The following GPSM1 variants were observed in gnomAD, a reference collection of about 807,000 sequenced individuals.
GPSM1 encodes the protein G protein-signaling modulator 1.
A neutral mutation model predicts 70.5 loss-of-function variants in GPSM1; 48 were observed. That is an observed-to-expected ratio of 0.68 (90% CI 0.54 to 0.87). The LOEUF is 0.87. Among genes scored for constraint, GPSM1 ranks in the 40% least tolerant of loss-of-function variants. The pLI is 0.00. For synonymous variants in GPSM1, 416 were observed against 430.1 expected, an observed-to-expected ratio of 0.97 and a Z score of 0.41; for missense variants, 981 against 972.6, an observed-to-expected ratio of 1.01 and a Z score of -0.11.
Position 136,343,375 on chromosome 9 carries a change from G to A in GPSM1, c.1207+2382G>A, listed in dbSNP as rs548649740. ...AGCCGGCCCTGAGCCCTGCAGGACC[G>A]CCCCCTGCCCTTGGCCTGTCCCCGA... is the stretch of plus-strand genomic sequence containing the variant. On this transcript the variant is annotated intron_variant, in intron 9 of 13. Transcript: ENST00000440944. The surrounding 1 kb of genome is among the most constrained non-coding windows in gnomAD (Gnocchi z 6.0). 5.3e-5 allele frequency among the ~76,000 whole-genome samples: 8 copies of A among 152,278 alleles called. No individual in the cohort carries two copies. In the East Asian group the frequency reaches 1.5e-3, roughly 29 times the overall value.
rs1554770150 is a variant in GPSM1 at position 136,340,970 on chromosome 9, A to G, written c.1184A>G (p.Asp395Gly). Residue 395 changes from aspartate to glycine, a missense_variant, in exon 9 of 14, where the codon GAC becomes GGC. Asp to Gly is a moderately conservative substitution (Grantham distance 94). Coordinates refer to ENST00000440944, the MANE Select transcript of GPSM1 (RefSeq NM_001145638.3). The surrounding 1 kb of genome is among the most constrained non-coding windows in gnomAD (Gnocchi z 7.3). The part of the protein sequence containing the change: ...LTSPAASEKP[D>G]LAGYEAQGAR... ...AGCCCGGCAGCCTCAGAGAAGCCTGACCTGGCCGGCTATGAGGCCCAGGGT... is the reference window on the plus strand; with the variant it reads ...AGCCCGGCAGCCTCAGAGAAGCCTGGCCTGGCCGGCTATGAGGCCCAGGGT... 6.4e-7 allele frequency: 1 copy of G among 1,563,846 alleles called. No individual in the cohort carries two copies. The highest frequency in any genetic ancestry group is 1.9e-5 in the Admixed American group (1 of 52,940).
intron 1 of GPSM1, among the ~76,000 whole-genome samples, chr9:136,333,099 G>A (rs1212257090): frequency 6.6e-6 from 1 of 152,232 alleles, no homozygotes; most frequent in Non-Finnish European, 1.5e-5. Context: ...CCTGCAAGCA[G>A]CCGAGGCTGA....
chr9:136,331,775 G>A (rs1014407789), intron 1 of GPSM1, among the ~76,000 whole-genome samples: 14 of 152,006 alleles, frequency 9.2e-5, no homozygotes, highest in South Asian at 2.1e-4. Context: ...TCCCCGCCCC[G>A]CTGCTGACGA....
Position 136,355,741 on chromosome 9 carries a change from AC to A in GPSM1, c.1509del (p.Lys504SerfsTer39). 6.2e-7 allele frequency: 1 copy of A among 1,612,342 alleles called. No homozygotes were observed. Among genetic ancestry groups the A allele is most frequent in the Non-Finnish European group, 8.5e-7 (1 of 1,179,540 alleles). On this transcript the variant is annotated frameshift_variant, in exon 12 of 14. Transcript: ENST00000440944. LOFTEE classifies it high-confidence loss of function. ...CGAGGAGTGCTTCTTTGACCTGTTG[AC>A]CAAGTTCCAGAGCAGCCGCATGGAC... ...SDEECFFDLLTKFQSSRMDDQ... is the reference protein window; with the variant it reads ...SDEECFFDLLXKFQSSRMDDQ...
intron 1 of GPSM1, chr9:136,332,151 C>A: frequency 2.5e-6 from 1 of 399,326 alleles, no homozygotes; most frequent in Middle Eastern, 6.3e-4. Flanking sequence ...GCAGAAGATG[C>A]GAAACCTGCA....
At chr9:136,339,965 G>A (rs1464106414) in intron 8 of GPSM1, 150 bp downstream of exon 8, 2 of 620,716 alleles carry the variant, frequency 3.2e-6, no homozygotes, top group East Asian at 5.5e-5. Context: ...CCGAGGCCTG[G>A]TGATGACATG....
intron 5 of GPSM1, 68 bp from the exon 6 acceptor site, chr9:136,337,778 C>T (rs1245972980): frequency 2.6e-5 from 33 of 1,266,342 alleles, no homozygotes; most frequent in East Asian, 2.4e-4. Context: ...AGGGAGGCAG[C>T]CCCTGTCCGC....
Position 136,338,704 on chromosome 9 carries a change from C to A in GPSM1, c.968C>A (p.Ala323Asp). ...CACCTGCTCATTGCCCAGGAGCTGG[C>A]CGACAGGTGCGTGGGCGCGGACGCG... ...LRHLLIAQEL[A>D]DRVGEGRACW... The change falls in exon 7 of 14, where the codon GCC (alanine) becomes GAC (aspartate). Residue 323 changes from alanine (A) to aspartate (D), a missense_variant. Ala to Asp is a moderately radical substitution (Grantham distance 126). Transcript: ENST00000440944. The A allele has an allele frequency of 6.4e-7, 1 of 1,554,338 alleles. No individual in the cohort carries two copies. The highest frequency in any genetic ancestry group is 8.7e-7 in the Non-Finnish European group (1 of 1,151,064).
In GPSM1 at chr9:136,341,110, A is replaced by G; in HGVS notation, c.1207+117A>G. The G allele has an allele frequency of 6.5e-7, 1 of 1,550,008 alleles. No individual in the cohort carries two copies. Among genetic ancestry groups the G allele is most frequent in the South Asian group, 1.2e-5 (1 of 84,050 alleles). ...TGGCGGAGGTGGCAGCCGCCAGAAAATGGCGCCTACAAGCCAGTTCTTCTT... is the reference window on the plus strand; with the variant it reads ...TGGCGGAGGTGGCAGCCGCCAGAAAGTGGCGCCTACAAGCCAGTTCTTCTT... On this transcript the variant is annotated intron_variant, in intron 9 of 13. Coordinates refer to ENST00000440944, the MANE Select transcript of GPSM1 (RefSeq NM_001145638.3). The surrounding 1 kb of genome is among the most constrained non-coding windows in gnomAD (Gnocchi z 6.7).
At chr9:136,338,403 C>G in intron 6 of GPSM1, 152 bp from the exon 7 acceptor site, 1 of 737,816 alleles carries the variant, frequency 1.4e-6, no homozygotes, top group Non-Finnish European at 2.2e-6. Context: ...CGCTCTGTGG[C>G]CATGTGAGGG....
chr9:136,334,061 C>T (rs1832165548), intron 1 of GPSM1, among the ~76,000 whole-genome samples: 3 of 152,088 alleles, frequency 2.0e-5, no homozygotes, highest in Non-Finnish European at 4.4e-5. Context: ...AGGAGGATGG[C>T]TAGGGTGCCT....
rs757251027 is a variant in GPSM1 at position 136,346,569 on chromosome 9, C to T, written c.1208-2128C>T. ...CATTCACTAGGTGGCAGCAGGACCC[C>T]CTTCCCAGTTGGGGGTGGAGGCTTG... On this transcript the variant is annotated intron_variant, in intron 9 of 13. Coordinates refer to ENST00000440944, the MANE Select transcript of GPSM1 (RefSeq NM_001145638.3). Among the ~76,000 whole-genome samples the T allele has an allele frequency of 2.6e-5, 4 of 152,206 alleles. 1 individual carries two copies. The highest frequency in any genetic ancestry group is 9.6e-5 in the African/African-American group (4 of 41,456).
chr9:136,335,848 C>G (rs960397205), intron 2 of GPSM1, 118 bp from the exon 3 acceptor site: 13 of 1,052,992 alleles, frequency 1.2e-5, no homozygotes, highest in Non-Finnish European at 1.8e-5. Context: ...TTGCAGGCTC[C>G]TGTCCACTCC....
At chr9:136,335,748 C>T (rs1832217025) in intron 2 of GPSM1, among the ~76,000 whole-genome samples, 2 of 152,188 alleles carry the variant, frequency 1.3e-5, no homozygotes, top group African/African-American at 4.8e-5. Context: ...GCCTGTGCCC[C>T]AGACACAGCC....
intron 11 of GPSM1, among the ~76,000 whole-genome samples, chr9:136,354,079 C>T (rs1554772567): frequency 3.3e-5 from 5 of 152,172 alleles, no homozygotes; most frequent in African/African-American, 1.2e-4. Context: ...AGAACTCTCC[C>T]TCCTCAGGTC....
At chr9:136,331,291 C>G (rs28687632) in intron 1 of GPSM1, among the ~76,000 whole-genome samples, 9,061 of 152,088 alleles carry the variant, frequency 0.06, 427 homozygotes, top group African/African-American at 0.11. Flanking sequence ...GCCCTGTTCG[C>G]ACCTTGGCCA....
At chr9:136,351,437 C>T (rs558220116) in intron 11 of GPSM1, among the ~76,000 whole-genome samples, 3 of 152,308 alleles carry the variant, frequency 2.0e-5, no homozygotes, top group East Asian at 3.9e-4. Context: ...CCACAGCTGG[C>T]TCTGCCCATC....
chr9:136,348,368 G>A (rs1405384844), intron 9 of GPSM1, among the ~76,000 whole-genome samples: 1 of 152,212 alleles, frequency 6.6e-6, no homozygotes, highest in African/African-American at 2.4e-5. Flanking sequence ...CCAGGCAGAG[G>A]GAACAGCAGG....
At chr9:136,336,485 C>T (rs570291174) in intron 3 of GPSM1, among the ~76,000 whole-genome samples, 6 of 152,318 alleles carry the variant, frequency 3.9e-5, no homozygotes, top group Admixed American at 2.6e-4. Flanking sequence ...AGAGTGGCTC[C>T]GTCTCCGCTT....
Sources: gnomAD v4.1 joint callset for allele counts (sites outside exome capture counted in the v4.1 genomes callset) on GRCh38, gnomAD v4.1.1 for gene constraint, Gnocchi (gnomAD v3.1) non-coding constraint, MANE v1.5 for transcripts, NCBI Gene and HGNC (gene_info 2026-07-23, HGNC 2026-07-21) for gene names.